Variants in ERBB4 observed in about 807,000 individuals in gnomAD.
ERBB4 encodes erb-b2 receptor tyrosine kinase 4, also known as receptor tyrosine-protein kinase erbB-4.
Under a neutral mutation model 158.0 loss-of-function variants are expected in ERBB4, and 42 were observed. That is an observed-to-expected ratio of 0.27 (90% CI 0.21 to 0.34). The LOEUF is 0.34. Among genes scored for constraint, ERBB4 ranks in the 10% least tolerant of loss-of-function variants. The pLI, the probability that ERBB4 is intolerant of heterozygous loss-of-function variation, is 1.00. For synonymous variants in ERBB4, 583 were observed against 558.7 expected (o/e 1.04, Z -0.61); for missense variants, 1,333 against 1,624.1 (o/e 0.82, Z 3.08).
At chr2:211,645,321 G>A (rs2105865782) in intron 16 of ERBB4, among the ~76,000 whole-genome samples, 1 of 151,680 alleles carries the variant, frequency 6.6e-6, no homozygotes, top group Non-Finnish European at 1.5e-5. Context: ...TATTCTTAGT[G>A]TTTTATAAAA....
chr2:212,391,113 A>G (rs1443392324), intron 1 of ERBB4, among the ~76,000 whole-genome samples: 1 of 151,768 alleles, frequency 6.6e-6, no homozygotes, highest in African/African-American at 2.4e-5. Flanking sequence ...TTACTTTAAC[A>G]CAGACAACTT....
intron 3 of ERBB4, among the ~76,000 whole-genome samples, chr2:211,887,715 T>C (rs1189554533): frequency 1.3e-5 from 2 of 152,166 alleles, no homozygotes; most frequent in African/African-American, 4.8e-5. Flanking sequence ...ATCATGTTAT[T>C]ATCACACAAA....
chr2:212,190,332 C>T (rs987909887), intron 1 of ERBB4, among the ~76,000 whole-genome samples: 7 of 152,044 alleles, frequency 4.6e-5, no homozygotes, highest in Non-Finnish European at 8.8e-5. Context: ...GTCAGGAGAT[C>T]CAGACCATCC....
chr2:211,546,747 T>A (rs1433219236), intron 20 of ERBB4, among the ~76,000 whole-genome samples: 1 of 152,088 alleles, frequency 6.6e-6, no homozygotes, highest in Non-Finnish European at 1.5e-5. Context: ...TTTGTACAAA[T>A]CCATAGAGGA....
chr2:211,603,969 T>G (rs1574842880), intron 19 of ERBB4, among the ~76,000 whole-genome samples: 7 of 152,358 alleles, frequency 4.6e-5, no homozygotes, highest in African/African-American at 1.4e-4. Flanking sequence ...TAATTTACTT[T>G]CTTTTGATTG....
intron 2 of ERBB4, among the ~76,000 whole-genome samples, chr2:212,118,023 G>A (rs1290201636): frequency 6.6e-6 from 1 of 152,070 alleles, no homozygotes; most frequent in Non-Finnish European, 1.5e-5. Flanking sequence ...TCTAAATCAT[G>A]CTATGCAGCA....
At chr2:212,257,960 G>A (rs928141990) in intron 1 of ERBB4, among the ~76,000 whole-genome samples, 1 of 152,066 alleles carries the variant, frequency 6.6e-6, no homozygotes, top group Non-Finnish European at 1.5e-5. Flanking sequence ...AAAATATCCT[G>A]ACTCTTTCAC....
chr2:212,468,170 A>G (rs769251036), intron 1 of ERBB4, among the ~76,000 whole-genome samples: 6 of 152,144 alleles, frequency 3.9e-5, no homozygotes, highest in Non-Finnish European at 5.9e-5. Flanking sequence ...GCCTTGTCTC[A>G]GGTGAGACGT....
At chr2:211,431,529 C>T (rs1302285462) in intron 20 of ERBB4, among the ~76,000 whole-genome samples, 1 of 152,062 alleles carries the variant, frequency 6.6e-6, no homozygotes, top group African/African-American at 2.4e-5. Flanking sequence ...TACCTTTATC[C>T]ATAATTTTTA....
chr2:212,179,037 C>T (rs1459120536), intron 1 of ERBB4, among the ~76,000 whole-genome samples: 1 of 151,500 alleles, frequency 6.6e-6, no homozygotes, highest in Admixed American at 6.6e-5. Flanking sequence ...ATCTTTTTAG[C>T]AGTGTCTCTT....
chr2:212,349,987 A>G (rs941732168), intron 1 of ERBB4, among the ~76,000 whole-genome samples: 6 of 152,138 alleles, frequency 3.9e-5, no homozygotes, highest in Admixed American at 6.6e-5. Flanking sequence ...AAAATGAACA[A>G]AGGTAAATAT....
At chr2:211,624,996 C>T (rs1182341992) in intron 17 of ERBB4, among the ~76,000 whole-genome samples, 2 of 148,056 alleles carry the variant, frequency 1.4e-5, no homozygotes, top group South Asian at 2.1e-4. Context: ...GTCATCATTG[C>T]GTTGTGATTC....
At chr2:212,155,428 C>T (rs1323052725) in intron 1 of ERBB4, among the ~76,000 whole-genome samples, 1 of 151,962 alleles carries the variant, frequency 6.6e-6, no homozygotes, top group East Asian at 1.9e-4. Flanking sequence ...AAAGATGATT[C>T]TAGAACAAGA....
At chr2:211,742,470 G>T (rs2074830927) in intron 5 of ERBB4, among the ~76,000 whole-genome samples, 1 of 152,056 alleles carries the variant, frequency 6.6e-6, no homozygotes. Context: ...TAATCATTTT[G>T]TTAGATTTTA....
chr2:212,369,714 G>A (rs531211069), intron 1 of ERBB4, among the ~76,000 whole-genome samples: 2 of 151,914 alleles, frequency 1.3e-5, no homozygotes, highest in East Asian at 1.9e-4. Context: ...TATTTTGTGG[G>A]AACAGGGTCT....
chr2:211,787,973 C>T lies in ERBB4; in HGVS notation c.556+52G>A, dbSNP rs79031210. The T allele has an allele frequency of 6.9e-4, 1,076 of 1,570,488 alleles. 8 individuals are homozygous for T. In the African/African-American group the frequency reaches 0.012, roughly 17 times the overall value. On this transcript the variant is annotated intron_variant, in intron 4 of 27. Transcript: ENST00000342788. ...GACATAATAAGCATAACTCATTCAT[C>T]GCCACATAGGGTAGAACATTTTGAG...
At chr2:212,007,816 T>C (rs1272092880) in intron 2 of ERBB4, among the ~76,000 whole-genome samples, 1 of 151,974 alleles carries the variant, frequency 6.6e-6, no homozygotes, top group Non-Finnish European at 1.5e-5. Flanking sequence ...AATTTCATAG[T>C]TATCTGATAT....
intron 1 of ERBB4, among the ~76,000 whole-genome samples, chr2:212,182,201 T>C (rs1298252990): frequency 6.6e-6 from 1 of 151,792 alleles, no homozygotes; most frequent in Non-Finnish European, 1.5e-5. Flanking sequence ...ACTATGAAGT[T>C]AATACTATTA....
chr2:211,892,670 C>T (rs1255344187), intron 3 of ERBB4, among the ~76,000 whole-genome samples: 2 of 145,598 alleles, frequency 1.4e-5, no homozygotes, highest in Non-Finnish European at 3.0e-5. Context: ...CCCATTGTTT[C>T]AGCCCAAAAT....
Sources: allele counts gnomAD v4.1 joint callset (sites outside exome capture counted in the v4.1 genomes callset), GRCh38; gene constraint gnomAD v4.1.1; transcripts MANE v1.5; gene names NCBI Gene and HGNC (gene_info 2026-07-23, HGNC 2026-07-21).